Variants in OR2D3 observed in about 807,000 individuals in gnomAD.
The protein encoded by OR2D3 is olfactory receptor family 2 subfamily D member 3.
For missense variants in OR2D3, 409 were observed against 388.8 expected, an observed-to-expected ratio of 1.05 and a Z score of -0.44; for synonymous variants, 154 against 145.8, an observed-to-expected ratio of 1.06 and a Z score of -0.40.
In OR2D3 at chr11:6,921,985, T is replaced by C. The variant is rs1253095403; in HGVS notation, c.984T>C (p.His328=). 8 of 1,613,406 alleles carry C rather than the reference T, an allele frequency of 5.0e-6. No individual in the cohort carries two copies. The highest frequency in any genetic ancestry group is 2.7e-5 in the African/African-American group (2 of 74,850). ...RKLVGRKCFS[H]RQ The stretch of plus-strand genomic sequence containing the variant: ...TAGTTGGGAGAAAGTGCTTCTCTCA[T>C]AGGCAGTGACCTCTGAGTCTGACTT... The change falls in exon 1 of 1, where the codon CAT becomes CAC. Residue 328 remains histidine (H), a synonymous_variant. Transcript: ENST00000317834.
At position 6,921,321 on chromosome 11, in the gene OR2D3, C is replaced by A. The variant is rs764797683; in HGVS notation, c.320C>A (p.Thr107Asn). The A allele has an allele frequency of 2.5e-6, 4 of 1,614,056 alleles. No individual in the cohort carries two copies. In the Admixed American group the frequency reaches 5.0e-5, roughly 20 times the overall value. ...GTTCACTTCTTGGTAAAGAGGAAAA[C>A]CATTTCTTTTTATGGGTGTATGACA... ...VLVHFLVKRK[T>N]ISFYGCMTQI... Residue 107 changes from threonine (T) to asparagine (N), a missense_variant, in exon 1 of 1, where the codon ACC (threonine) becomes AAC (asparagine). By Grantham distance (65) the Thr-to-Asn change is moderately conservative. Coordinates refer to ENST00000317834, the MANE Select transcript of OR2D3 (RefSeq NM_001004684.1).
At position 6,921,701 on chromosome 11, in the gene OR2D3, T is replaced by G; in HGVS notation, c.700T>G (p.Tyr234Asp). ...CCCTGTCTCCCTGATTCTTGGTTCT[T>G]ATTGGAATATTATCTCCACTGTTAT... ...LAPVSLILGS[Y>D]WNIISTVIQM... The change falls in exon 1 of 1, where the codon TAT becomes GAT. Residue 234 changes from tyrosine to aspartate, a missense_variant. Coordinates refer to ENST00000317834, the MANE Select transcript of OR2D3 (RefSeq NM_001004684.1). The G allele has an allele frequency of 6.5e-7, 1 of 1,543,872 alleles. No homozygotes were observed. The highest frequency in any genetic ancestry group is 8.7e-7 in the Non-Finnish European group (1 of 1,149,394).
rs1390895983 is a variant in OR2D3 at position 6,921,484 on chromosome 11, C to T, written c.483C>T (p.Ser161=). 3 of 1,613,752 alleles carry T rather than the reference C, an allele frequency of 1.9e-6. No homozygotes were observed. In the East Asian group the frequency reaches 6.7e-5, roughly 36 times the overall value. The change falls in exon 1 of 1, where the codon TCC becomes TCT. Residue 161 remains serine, a synonymous_variant. Coordinates refer to ENST00000317834, the MANE Select transcript of OR2D3 (RefSeq NM_001004684.1). ...IMTQRVCLWL[S]FRSWASGALV... Reference sequence around the variant, plus strand: ...CACAACGGGTGTGTCTCTGGCTGTCCTTCAGGTCCTGGGCCAGTGGGGCAC... The same window carrying T: ...CACAACGGGTGTGTCTCTGGCTGTCTTTCAGGTCCTGGGCCAGTGGGGCAC...
chr11:6,921,765 C>T lies in OR2D3; in HGVS notation c.764C>T (p.Ser255Phe). 6.5e-7 allele frequency: 1 copy of T among 1,536,574 alleles called. No individual in the cohort carries two copies. The highest frequency in any genetic ancestry group is 8.7e-7 in the Non-Finnish European group (1 of 1,145,756). ...QSGEGRLKAF[S>F]TCGSHLIVVV... is the part of the protein sequence containing the mutation. ...GGGGAAGGGAGACTCAAGGCTTTTT[C>T]CACCTGTGGCTCCCATCTTATTGTT... The change falls in exon 1 of 1, where the codon TCC becomes TTC. Residue 255 changes from serine (S) to phenylalanine (F), a missense_variant. Ser to Phe is a radical substitution (Grantham distance 155, BLOSUM62 -2). Coordinates refer to ENST00000317834, the MANE Select transcript of OR2D3 (RefSeq NM_001004684.1).
rs1190733368 is a variant in OR2D3 at position 6,921,808 on chromosome 11, G to A, written c.807G>A (p.Gly269=). ...SHLIVVVLFY[G]SGIFTYMRPN... is the part of the protein sequence containing the mutation. ...TTATTGTTGTTGTCCTCTTCTATGG[G>A]TCAGGAATATTCACCTACATGCGAC... Residue 269 remains glycine, a synonymous_variant, in exon 1 of 1, where the codon GGG becomes GGA. Coordinates refer to ENST00000317834, the MANE Select transcript of OR2D3 (RefSeq NM_001004684.1). 1 of 1,578,962 alleles carries A rather than the reference G, an allele frequency of 6.3e-7. No individual in the cohort carries two copies. Among genetic ancestry groups the A allele is most frequent in the Non-Finnish European group, 8.6e-7 (1 of 1,165,852 alleles).
Position 6,921,301 on chromosome 11 carries a change from C to T in OR2D3, c.300C>T (p.His100=). 1.2e-6 allele frequency: 2 copies of T among 1,614,158 alleles called. No homozygotes were observed. Among genetic ancestry groups the T allele is most frequent in the Non-Finnish European group, 1.7e-6 (2 of 1,180,000 alleles). The change falls in exon 1 of 1, where the codon CAC becomes CAT. Residue 100 remains histidine (H), a synonymous_variant. Coordinates refer to ENST00000317834, the MANE Select transcript of OR2D3 (RefSeq NM_001004684.1). ...STSIVPQVLV[H]FLVKRKTISF... ...GCATTGTCCCTCAAGTGTTGGTTCACTTCTTGGTAAAGAGGAAAACCATTT... is the reference window on the plus strand; with the variant it reads ...GCATTGTCCCTCAAGTGTTGGTTCATTTCTTGGTAAAGAGGAAAACCATTT...
rs1324742324 is a variant in OR2D3, at chr11:6,921,389, C to G, written c.388C>G (p.Leu130Val). 4 of 1,613,860 alleles carry G rather than the reference C, an allele frequency of 2.5e-6. No individual in the cohort carries two copies. The highest frequency in any genetic ancestry group is 2.7e-5 in the African/African-American group (2 of 74,910). The change falls in exon 1 of 1, where the codon CTG becomes GTG. Residue 130 changes from leucine to valine, a missense_variant. By Grantham distance (32) the Leu-to-Val change is conservative (BLOSUM62 1). Transcript: ENST00000317834. Reference sequence around the variant, plus strand: ...TCTGGTTGGGTGTACAGAGTGTGCGCTGCTGGCAGTGATGTCCTATGACCG... The same window carrying G: ...TCTGGTTGGGTGTACAGAGTGTGCGGTGCTGGCAGTGATGTCCTATGACCG... ...FLLVGCTECA[L>V]LAVMSYDRYV... is the part of the protein sequence containing the mutation.
rs779171680 is a variant in OR2D3, at chr11:6,921,923, T to C, written c.922T>C (p.Leu308=). 4 of 1,614,116 alleles carry C rather than the reference T, an allele frequency of 2.5e-6. No homozygotes were observed. Among genetic ancestry groups the C allele is most frequent in the African/African-American group, 1.3e-5 (1 of 75,016 alleles). The change falls in exon 1 of 1, where the codon TTG becomes CTG. Residue 308 remains leucine (L), a synonymous_variant. Transcript: ENST00000317834. ...AATGTTGAACCCCATAATTTATAGC[T>C]TGAGGAACAAAGATGTCAAAGGGGC... ...TPMLNPIIYS[L]RNKDVKGALR...
chr11:6,921,405 C>A lies in OR2D3; in HGVS notation c.404C>A (p.Ser135Tyr), dbSNP rs1848947576. 1 of 1,613,438 alleles carries A rather than the reference C, an allele frequency of 6.2e-7. No individual in the cohort carries two copies. The highest frequency in any genetic ancestry group is 8.5e-7 in the Non-Finnish European group (1 of 1,179,764). Reference protein sequence around the residue: ...CTECALLAVMSYDRYVAVCKP... With the variant: ...CTECALLAVMYYDRYVAVCKP... ...GAGTGTGCGCTGCTGGCAGTGATGT[C>A]CTATGACCGGTATGTGGCTGTCTGC... Residue 135 changes from serine (S) to tyrosine (Y), a missense_variant, in exon 1 of 1, where the codon TCC (serine) becomes TAC (tyrosine). Transcript: ENST00000317834.
Position 6,921,915 on chromosome 11 carries a change from T to A in OR2D3, c.914T>A (p.Ile305Asn). The A allele has an allele frequency of 6.2e-7, 1 of 1,614,154 alleles. No homozygotes were observed. The highest frequency in any genetic ancestry group is 8.5e-7 in the Non-Finnish European group (1 of 1,180,014). Reference sequence around the variant, plus strand: ...GTGACTCCAATGTTGAACCCCATAATTTATAGCTTGAGGAACAAAGATGTC... The same window carrying A: ...GTGACTCCAATGTTGAACCCCATAAATTATAGCTTGAGGAACAAAGATGTC... ...TAVTPMLNPI[I>N]YSLRNKDVKG... The change falls in exon 1 of 1, where the codon ATT (isoleucine) becomes AAT (asparagine). Residue 305 changes from isoleucine (I) to asparagine (N), a missense_variant. Coordinates refer to ENST00000317834, the MANE Select transcript of OR2D3 (RefSeq NM_001004684.1).
chr11:6,921,244 T>C lies in OR2D3; in HGVS notation c.243T>C (p.Asn81=). 21 of 1,614,174 alleles carry C rather than the reference T, an allele frequency of 1.3e-5. No individual in the cohort carries two copies. Among genetic ancestry groups the C allele is most frequent in the Non-Finnish European group, 1.7e-5 (20 of 1,180,014 alleles). ...CTCCCATGTATTTTTTTCTTAGAAA[T>C]CTCTCCTTTGCAGATCTCTGTTTCT... ...LHTPMYFFLR[N]LSFADLCFST... The change falls in exon 1 of 1, where the codon AAT becomes AAC. Residue 81 remains asparagine (N), a synonymous_variant. Transcript: ENST00000317834.
Position 6,921,199 on chromosome 11 carries a change from C to T in OR2D3, c.198C>T (p.Phe66=). ...LGNQLIIILI[F]LDSRLHTPMY... Reference sequence around the variant, plus strand: ...ACCAGCTCATCATCATTCTCATCTTCCTGGATTCTCGCCTTCACACTCCCA... The same window carrying T: ...ACCAGCTCATCATCATTCTCATCTTTCTGGATTCTCGCCTTCACACTCCCA... The change falls in exon 1 of 1, where the codon TTC becomes TTT. Residue 66 remains phenylalanine, a synonymous_variant. Coordinates refer to ENST00000317834, the MANE Select transcript of OR2D3 (RefSeq NM_001004684.1). The T allele has an allele frequency of 1.2e-6, 2 of 1,614,076 alleles. No homozygotes were observed. Among genetic ancestry groups the T allele is most frequent in the Non-Finnish European group, 1.7e-6 (2 of 1,179,978 alleles).
chr11:6,921,279 T>C lies in OR2D3; in HGVS notation c.278T>C (p.Ile93Thr). ...GCAGATCTCTGTTTCTCTACTAGCATTGTCCCTCAAGTGTTGGTTCACTTC... is the reference window on the plus strand; with the variant it reads ...GCAGATCTCTGTTTCTCTACTAGCACTGTCCCTCAAGTGTTGGTTCACTTC... ...SFADLCFSTS[I>T]VPQVLVHFLV... The change falls in exon 1 of 1, where the codon ATT becomes ACT. Residue 93 changes from isoleucine to threonine, a missense_variant. Coordinates refer to ENST00000317834, the MANE Select transcript of OR2D3 (RefSeq NM_001004684.1). The C allele has an allele frequency of 2.5e-6, 4 of 1,614,208 alleles. No homozygotes were observed. Among genetic ancestry groups the C allele is most frequent in the Non-Finnish European group, 3.4e-6 (4 of 1,180,008 alleles).
Position 6,921,706 on chromosome 11 carries a change from G to T in OR2D3, c.705G>T (p.Trp235Cys), listed in dbSNP as rs1277914535. ...APVSLILGSY[W>C]NIISTVIQMQ... ...TCTCCCTGATTCTTGGTTCTTATTG[G>T]AATATTATCTCCACTGTTATCCAGA... Residue 235 changes from tryptophan to cysteine, a missense_variant, in exon 1 of 1, where the codon TGG becomes TGT. Coordinates refer to ENST00000317834, the MANE Select transcript of OR2D3 (RefSeq NM_001004684.1). 3 of 1,542,440 alleles carry T rather than the reference G, an allele frequency of 1.9e-6. No homozygotes were observed. The highest frequency in any genetic ancestry group is 1.8e-4 in the Middle Eastern group (1 of 5,672).
Sources: gnomAD v4.1 joint callset for allele counts on GRCh38, gnomAD v4.1.1 for gene constraint, MANE v1.5 for transcripts, NCBI Gene and HGNC (gene_info 2026-07-23, HGNC 2026-07-21) for gene names.